VAV3: variants seen among roughly 807,000 people sequenced by gnomAD.
VAV3 encodes the protein vav guanine nucleotide exchange factor 3.
In VAV3, 94 loss-of-function variants were observed where a neutral mutation model predicts 131.2. The observed-to-expected ratio is 0.72, with a 90% CI of 0.61 to 0.85. The LOEUF (loss-of-function observed/expected upper bound fraction) is 0.85. Ranked by LOEUF, VAV3 falls within the 40% of genes least tolerant of loss-of-function variation. The pLI is 0.00. For synonymous variants in VAV3, 349 were observed against 342.0 expected, an observed-to-expected ratio of 1.02 and a Z score of -0.22; for missense variants, 939 against 1,002.7, an observed-to-expected ratio of 0.94 and a Z score of 0.86.
At chr1:107,729,529 G>A (rs7552076) in intron 15 of VAV3, among the ~76,000 whole-genome samples, 44,914 of 152,030 alleles carry the variant, frequency 0.3, 6,935 homozygotes, top group African/African-American at 0.38. Flanking sequence ...GAAAAGAATG[G>A]AAAAGGATGT....
At chr1:107,736,936 G>C (rs959434615) in intron 15 of VAV3, among the ~76,000 whole-genome samples, 2 of 152,130 alleles carry the variant, frequency 1.3e-5, no homozygotes, top group African/African-American at 2.4e-5. Flanking sequence ...GAGGCATCAC[G>C]CTAGCTGACT....
chr1:107,881,986 A>G (rs1445264189), intron 1 of VAV3, among the ~76,000 whole-genome samples: 1 of 152,144 alleles, frequency 6.6e-6, no homozygotes, highest in Non-Finnish European at 1.5e-5. Flanking sequence ...TGTAAAAGCC[A>G]TCTTGACTTT....
chr1:107,760,689 C>A (rs1053340781), intron 10 of VAV3, 95 bp downstream of exon 10: 16 of 925,226 alleles, frequency 1.7e-5, no homozygotes, highest in Non-Finnish European at 2.5e-5. Flanking sequence ...GGGATTGGGC[C>A]CAACACATGG....
intron 25 of VAV3, among the ~76,000 whole-genome samples, chr1:107,586,468 C>G (rs754192270): frequency 6.6e-6 from 1 of 152,004 alleles, no homozygotes; most frequent in Non-Finnish European, 1.5e-5. Context: ...GAACTGTACC[C>G]TTTGAGGAGG....
At position 107,964,744 on chromosome 1, in the gene VAV3, C is replaced by A. The variant is rs751100353; in HGVS notation, c.126G>T (p.Leu42=). Residue 42 remains leucine (L), a synonymous_variant, in exon 1 of 27, where the codon CTG becomes CTT. Transcript: ENST00000370056. ...GGAGGTTGTTAAGCAGCTGGCAGAG[C>A]AGGACTCCATCGCGGAGGGTCTGCG... ...DLAQTLRDGV[L]LCQLLNNLRA... 1 of 1,614,118 alleles carries A rather than the reference C, an allele frequency of 6.2e-7. No individual in the cohort carries two copies. Among genetic ancestry groups the A allele is most frequent in the East Asian group, 2.2e-5 (1 of 44,850 alleles).
intron 19 of VAV3, chr1:107,673,442 C>A (rs11185159): frequency 0.085 from 12,891 of 152,456 alleles, 967 homozygotes; most frequent in African/African-American, 0.21. Flanking sequence ...CTGCCTGCAA[C>A]CCTCTTCTCT....
intron 1 of VAV3, among the ~76,000 whole-genome samples, chr1:107,878,762 A>C (rs547972193): frequency 1.3e-5 from 2 of 152,276 alleles, no homozygotes; most frequent in African/African-American, 4.8e-5. Flanking sequence ...GTAAAGGTAC[A>C]TGTCCCCCCT....
intron 19 of VAV3, among the ~76,000 whole-genome samples, chr1:107,664,703 C>T (rs1657288422): frequency 6.6e-6 from 1 of 151,746 alleles, no homozygotes; most frequent in South Asian, 2.1e-4. Flanking sequence ...GCACCCAGAC[C>T]ATTAAAAAAA....
intron 15 of VAV3, among the ~76,000 whole-genome samples, chr1:107,721,630 C>T (rs553888571): frequency 3.0e-4 from 46 of 152,120 alleles, no homozygotes; most frequent in African/African-American, 1.1e-3. Context: ...GAAACAGGCC[C>T]AGAAGTTTGT....
chr1:107,921,831 A>C (rs1409633297), intron 1 of VAV3, among the ~76,000 whole-genome samples: 4 of 152,260 alleles, frequency 2.6e-5, no homozygotes, highest in South Asian at 2.1e-4. Flanking sequence ...TGATTTTCTT[A>C]ATCTGTAAAA....
chr1:107,665,000 T>C (rs1350992474), intron 19 of VAV3, among the ~76,000 whole-genome samples: 1 of 152,208 alleles, frequency 6.6e-6, no homozygotes, highest in Non-Finnish European at 1.5e-5. Context: ...AAGTTAGGTA[T>C]GAATCAGCTC....
At chr1:107,768,530 A>G (rs1664860473) in intron 6 of VAV3, 21 bp from the exon 7 acceptor site, 1 of 1,584,022 alleles carries the variant, frequency 6.3e-7, no homozygotes, top group East Asian at 2.2e-5. Flanking sequence ...AGAAGAAGAA[A>G]ATAGTAATTA....
At position 107,820,187 on chromosome 1, in the gene VAV3, T is replaced by C. The variant is rs192942753; in HGVS notation, c.322-40695A>G. Among the ~76,000 whole-genome samples, 57 of 152,308 alleles carry C rather than the reference T, an allele frequency of 3.7e-4. No homozygotes were observed. The East Asian group carries it at 0.01, about 28-fold the overall frequency. The stretch of plus-strand genomic sequence containing the variant: ...GTTTATCACAGTACTGTTCACAGTA[T>C]CTATGATTTGGAAGCAACCTAAATG... On this transcript the variant is annotated intron_variant, in intron 2 of 26. Coordinates refer to ENST00000370056, the MANE Select transcript of VAV3 (RefSeq NM_006113.5).
chr1:107,806,977 T>C (rs1286655207), intron 2 of VAV3, among the ~76,000 whole-genome samples: 1 of 152,238 alleles, frequency 6.6e-6, no homozygotes, highest in Non-Finnish European at 1.5e-5. Context: ...AAATAGTTGT[T>C]ATACTGAATT....
intron 17 of VAV3, among the ~76,000 whole-genome samples, chr1:107,692,729 CAG>C (rs1557767322): frequency 6.6e-6 from 1 of 152,140 alleles, no homozygotes; most frequent in East Asian, 1.9e-4. Context: ...GTGGCTATAG[CAG>C]CAGCAGGAGC....
intron 2 of VAV3, among the ~76,000 whole-genome samples, chr1:107,871,336 C>A (rs1348981768): frequency 1.3e-5 from 2 of 151,554 alleles, no homozygotes; most frequent in African/African-American, 4.9e-5. Flanking sequence ...CATTCCCCCC[C>A]TCTCCCCCCA....
At chr1:107,756,944 A>C (rs1664133929) in intron 11 of VAV3, among the ~76,000 whole-genome samples, 1 of 152,064 alleles carries the variant, frequency 6.6e-6, no homozygotes, top group African/African-American at 2.4e-5. Flanking sequence ...ATGGTTATGA[A>C]AGTTTTTATA....
intron 20 of VAV3, among the ~76,000 whole-genome samples, chr1:107,636,214 A>G (rs1296970739): frequency 6.6e-6 from 1 of 152,228 alleles, no homozygotes; most frequent in Non-Finnish European, 1.5e-5. Context: ...ACAATAAACC[A>G]TAAGATTCTG....
chr1:107,630,596 TA>T (rs1333015371), intron 20 of VAV3, among the ~76,000 whole-genome samples: 3 of 152,152 alleles, frequency 2.0e-5, no homozygotes, highest in Admixed American at 2.0e-4. Context: ...TCTCCAGAGC[TA>T]AGTGTGTAGA....
Sources: gnomAD v4.1 joint callset for allele counts (sites outside exome capture counted in the v4.1 genomes callset) on GRCh38, gnomAD v4.1.1 for gene constraint, MANE v1.5 for transcripts, NCBI Gene and HGNC (gene_info 2026-07-23, HGNC 2026-07-21) for gene names.